The following DOCK2 variants were observed in gnomAD, a reference collection of about 807,000 sequenced individuals.
DOCK2 encodes dedicator of cytokinesis protein 2.
Under a neutral mutation model 248.9 loss-of-function variants are expected in DOCK2, and 87 were observed. The observed-to-expected ratio is 0.35, with a 90% CI of 0.29 to 0.42. The LOEUF is 0.42. Ranked by LOEUF, DOCK2 falls within the 10% of genes least tolerant of loss-of-function variation. The pLI, the probability that DOCK2 is intolerant of heterozygous loss-of-function variation, is 1.00. For synonymous variants in DOCK2, 805 were observed against 821.6 expected, an observed-to-expected ratio of 0.98 and a Z score of 0.35; for missense variants, 1,747 against 2,300.2, an observed-to-expected ratio of 0.76 and a Z score of 4.92.
chr5:170,046,114 C>T (rs544879853), intron 39 of DOCK2, among the ~76,000 whole-genome samples: 2 of 152,306 alleles, frequency 1.3e-5, no homozygotes, highest in African/African-American at 2.4e-5. Context: ...GGAAATGCTT[C>T]GGTGACAGCT....
chr5:169,741,170 C>A (rs1173980203), intron 22 of DOCK2, among the ~76,000 whole-genome samples: 1 of 152,170 alleles, frequency 6.6e-6, no homozygotes, highest in Non-Finnish European at 1.5e-5. Flanking sequence ...GATTCTGTGT[C>A]TTTGCAATTT....
intron 26 of DOCK2, among the ~76,000 whole-genome samples, chr5:169,827,533 G>A (rs1768945863): frequency 6.6e-6 from 1 of 152,210 alleles, no homozygotes; most frequent in South Asian, 2.1e-4. Flanking sequence ...TGGCTTTCCT[G>A]CTCACCAGCT....
chr5:169,938,772 C>G (rs974240786), intron 27 of DOCK2, among the ~76,000 whole-genome samples: 3 of 152,142 alleles, frequency 2.0e-5, no homozygotes, highest in African/African-American at 7.2e-5. Context: ...TGTAACTTTA[C>G]AAACTTTTCA....
intron 2 of DOCK2, among the ~76,000 whole-genome samples, chr5:169,669,015 T>G (rs1258676485): frequency 6.6e-6 from 1 of 152,032 alleles, no homozygotes; most frequent in Non-Finnish European, 1.5e-5. Flanking sequence ...TCCCAGCCAG[T>G]TGGGAGCACT....
chr5:169,755,600 C>T (rs1480147315), intron 23 of DOCK2, among the ~76,000 whole-genome samples: 3 of 151,948 alleles, frequency 2.0e-5, no homozygotes, highest in South Asian at 2.1e-4. Context: ...AAAAACTAGC[C>T]GGGCGTGGTG....
chr5:169,652,498 C>A lies in DOCK2; in HGVS notation c.44-1905C>A, dbSNP rs533350133. Among the ~76,000 whole-genome samples, 4 of 152,344 alleles carry A rather than the reference C, an allele frequency of 2.6e-5. No homozygotes were observed. In the South Asian group the frequency reaches 8.3e-4, roughly 32 times the overall value. ...CAAAAGGGAGGTTAGGGATATGGGG[C>A]ACACCTGGGAGTAGAGGGGACAGCC... On this transcript the variant is annotated intron_variant, in intron 1 of 51. Coordinates refer to ENST00000520908, the MANE Select transcript of DOCK2 (RefSeq NM_004946.3).
chr5:169,812,129 G>T (rs1017130792), intron 26 of DOCK2, among the ~76,000 whole-genome samples: 1 of 152,210 alleles, frequency 6.6e-6, no homozygotes, highest in African/African-American at 2.4e-5. Context: ...ACAGCAGGAG[G>T]TGAGCAGCTG....
Position 169,714,387 on chromosome 5 carries a change from G to A in DOCK2, c.1871G>A (p.Arg624His), listed in dbSNP as rs1487304870. The A allele has an allele frequency of 1.9e-6, 3 of 1,614,054 alleles. No individual in the cohort carries two copies. Among genetic ancestry groups the A allele is most frequent in the Non-Finnish European group, 2.5e-6 (3 of 1,179,968 alleles). ...GGCTTGCTGGGTTTGCTGAAGTGGC[G>A]TATGAAGCCTCAACTGCTACAGGAG... Reference protein sequence around the residue: ...NVGLLGLLKWRMKPQLLQENL... With the variant: ...NVGLLGLLKWHMKPQLLQENL... Residue 624 changes from arginine to histidine, a missense_variant, in exon 19 of 52, where the codon CGT becomes CAT. Coordinates refer to ENST00000520908, the MANE Select transcript of DOCK2 (RefSeq NM_004946.3).
chr5:169,749,218 T>A (rs1041130785), intron 23 of DOCK2, among the ~76,000 whole-genome samples: 1 of 152,226 alleles, frequency 6.6e-6, no homozygotes. Flanking sequence ...TCCCTGAGGC[T>A]AAATTTGGCC....
At chr5:169,676,514 C>T (rs1369298543) in intron 6 of DOCK2, among the ~76,000 whole-genome samples, 1 of 152,204 alleles carries the variant, frequency 6.6e-6, no homozygotes, top group African/African-American at 2.4e-5. Context: ...AGACCTCAAG[C>T]TCAGGGGCCC....
At chr5:169,927,247 G>T (rs1456824234) in intron 27 of DOCK2, among the ~76,000 whole-genome samples, 1 of 152,190 alleles carries the variant, frequency 6.6e-6, no homozygotes, top group Non-Finnish European at 1.5e-5. Flanking sequence ...GATGAATTCG[G>T]AGAGGTAGAA....
In DOCK2 at chr5:169,668,176, G is replaced by T. The variant is rs570424248; in HGVS notation, c.128-1112G>T. 3.9e-5 allele frequency among the ~76,000 whole-genome samples: 6 copies of T among 152,330 alleles called. 1 individual carries two copies. The East Asian group carries it at 1.2e-3, about 29-fold the overall frequency. ...ATAATAACCGTTCCTACTTCATGCGGTTGTTATGAATATTGAAGGGCTTAA... is the reference window on the plus strand; with the variant it reads ...ATAATAACCGTTCCTACTTCATGCGTTTGTTATGAATATTGAAGGGCTTAA... On this transcript the variant is annotated intron_variant, in intron 2 of 51. Coordinates refer to ENST00000520908, the MANE Select transcript of DOCK2 (RefSeq NM_004946.3).
chr5:170,066,015 G>A (rs1227355763), intron 44 of DOCK2, among the ~76,000 whole-genome samples: 2 of 149,200 alleles, frequency 1.3e-5, no homozygotes, highest in African/African-American at 2.5e-5. Flanking sequence ...GTAGTGGCGC[G>A]AACTCAGCTC....
intron 6 of DOCK2, among the ~76,000 whole-genome samples, chr5:169,681,046 G>T (rs1486751760): frequency 6.7e-6 from 1 of 149,774 alleles, no homozygotes; most frequent in African/African-American, 2.5e-5. Context: ...TATTTTAAAA[G>T]GTCTGCTATG....
chr5:169,985,940 T>C lies in DOCK2; in HGVS notation c.2993+18T>C. 1 of 1,598,446 alleles carries C rather than the reference T, an allele frequency of 6.3e-7. No individual in the cohort carries two copies. Among genetic ancestry groups the C allele is most frequent in the Non-Finnish European group, 8.5e-7 (1 of 1,170,662 alleles). The stretch of plus-strand genomic sequence containing the variant: ...CAAAACAGGTGAGCTGCTACCTGCT[T>C]CCGCAAAGCTACCTTACCCAGCCCT... On this transcript the variant is annotated intron_variant, in intron 29 of 51. Coordinates refer to ENST00000520908, the MANE Select transcript of DOCK2 (RefSeq NM_004946.3).
At chr5:169,665,615 A>G (rs1561580628) in intron 2 of DOCK2, among the ~76,000 whole-genome samples, 1 of 152,252 alleles carries the variant, frequency 6.6e-6, no homozygotes, top group Middle Eastern at 3.4e-3. Context: ...TGAAATCAGT[A>G]TGTTTTTTTC....
intron 27 of DOCK2, among the ~76,000 whole-genome samples, chr5:169,894,762 C>A (rs1445567598): frequency 6.6e-6 from 1 of 152,176 alleles, no homozygotes; most frequent in Non-Finnish European, 1.5e-5. Flanking sequence ...CTTATCTTTA[C>A]CATGGTTACC....
At chr5:169,730,671 T>A (rs1561644441) in intron 22 of DOCK2, among the ~76,000 whole-genome samples, 1 of 152,188 alleles carries the variant, frequency 6.6e-6, no homozygotes, top group Non-Finnish European at 1.5e-5. Context: ...TCATGCTAGA[T>A]GGAGGATGGA....
intron 1 of DOCK2, among the ~76,000 whole-genome samples, chr5:169,641,259 CT>C (rs1757133634): frequency 6.6e-6 from 1 of 152,210 alleles, no homozygotes; most frequent in South Asian, 2.1e-4. Flanking sequence ...ACTCCAACGT[CT>C]CTTTTTTTGG....
Sources: gnomAD v4.1 joint callset for allele counts (sites outside exome capture counted in the v4.1 genomes callset) on GRCh38, gnomAD v4.1.1 for gene constraint, MANE v1.5 for transcripts, NCBI Gene and HGNC (gene_info 2026-07-23, HGNC 2026-07-21) for gene names.